ANKDD1A: variants seen among roughly 807,000 people sequenced by gnomAD.
The protein encoded by ANKDD1A is ankyrin repeat and death domain-containing protein 1A.
Under a neutral mutation model 63.5 loss-of-function variants are expected in ANKDD1A, and 59 were observed. The observed-to-expected ratio is 0.93, with a 90% CI of 0.75 to 1.15. The LOEUF (loss-of-function observed/expected upper bound fraction) is 1.15. Among genes scored for constraint, ANKDD1A ranks in the 50% most tolerant of loss-of-function variants. ANKDD1A has a pLI of 0.00. For missense variants in ANKDD1A, 632 were observed against 656.4 expected, an observed-to-expected ratio of 0.96 and a Z score of 0.41; for synonymous variants, 266 against 263.9, an observed-to-expected ratio of 1.01 and a Z score of -0.08.
intron 3 of ANKDD1A, among the ~76,000 whole-genome samples, chr15:64,918,818 G>C (rs571987534): frequency 6.6e-6 from 1 of 152,058 alleles, no homozygotes; most frequent in Non-Finnish European, 1.5e-5. Flanking sequence ...GCTGGGTGTG[G>C]TGGCACACAC....
intron 14 of ANKDD1A, among the ~76,000 whole-genome samples, chr15:64,952,052 C>G (rs964395257): frequency 7.8e-6 from 1 of 128,574 alleles, no homozygotes; most frequent in African/African-American, 2.8e-5. Flanking sequence ...CTTCTTTCTT[C>G]TTCTTAGTTC....
At chr15:64,952,888 TCTTCCTTCTCCTTCCTTC>T (rs2140389476) in intron 14 of ANKDD1A, among the ~76,000 whole-genome samples, 6 of 147,670 alleles carry the variant, frequency 4.1e-5, no homozygotes, top group Admixed American at 6.7e-5. Flanking sequence ...TTCTTCTCCT[TCTTCCTTCTCCTTCCTTC>T]TCTTCTTCTC....
At chr15:64,935,265 G>T (rs538812486) in intron 9 of ANKDD1A, among the ~76,000 whole-genome samples, 1 of 149,694 alleles carries the variant, frequency 6.7e-6, no homozygotes, top group East Asian at 2.0e-4. Context: ...GCATGGTGGC[G>T]TGAGCCTGTA....
chr15:64,954,136 CT>C (rs1198507771), intron 14 of ANKDD1A, among the ~76,000 whole-genome samples: 18 of 138,122 alleles, frequency 1.3e-4, no homozygotes, highest in African/African-American at 4.7e-4. Context: ...TCTTCTTCCT[CT>C]TTCTTCTTGT....
intron 11 of ANKDD1A, among the ~76,000 whole-genome samples, chr15:64,944,294 A>T (rs548840471): frequency 6.6e-6 from 1 of 152,276 alleles, no homozygotes; most frequent in South Asian, 2.1e-4. Flanking sequence ...GTGACATGAT[A>T]AACCCAAGCC....
At chr15:64,951,500 T>TTCC (rs1411141223) in intron 14 of ANKDD1A, 1 of 146,520 alleles carries the variant, frequency 6.8e-6, no homozygotes, top group Non-Finnish European at 1.5e-5. Flanking sequence ...TTTCTTCTTC[T>TTCC]TCCTCTTCCT....
chr15:64,923,000 G>T (rs775756230), intron 4 of ANKDD1A, among the ~76,000 whole-genome samples: 1 of 152,180 alleles, frequency 6.6e-6, no homozygotes, highest in Non-Finnish European at 1.5e-5. Flanking sequence ...TAACGGGTCA[G>T]TAAGGAAACA....
At chr15:64,936,046 A>G (rs1421955125) in intron 9 of ANKDD1A, among the ~76,000 whole-genome samples, 1 of 152,218 alleles carries the variant, frequency 6.6e-6, no homozygotes, top group Non-Finnish European at 1.5e-5. Flanking sequence ...TTCCTTACCT[A>G]TAAGTACTAT....
rs370485314 is a variant in ANKDD1A, at chr15:64,936,618, C to A, written c.867+2384C>A. 2.0e-5 allele frequency among the ~76,000 whole-genome samples: 3 copies of A among 152,022 alleles called. No individual in the cohort carries two copies. In the East Asian group the frequency reaches 5.8e-4, roughly 29 times the overall value. ...CTTTGGAAGGCTGAGGTGGGAGGAT[C>A]GCTTGAGTCCAGGAGTTCGAGACCA... On this transcript the variant is annotated intron_variant, in intron 9 of 14. Coordinates refer to ENST00000319580, the MANE Select transcript of ANKDD1A (RefSeq NM_182703.6).
intron 14 of ANKDD1A, among the ~76,000 whole-genome samples, chr15:64,952,649 C>CATTCTTCT: frequency 1.8e-4 from 1 of 5,558 alleles, no homozygotes; most frequent in Non-Finnish European, 9.4e-4. Context: ...TCTTCTCCTT[C>CATTCTTCT]TCCTTCTTCT....
chr15:64,947,477 G>C lies in ANKDD1A; in HGVS notation c.1235G>C (p.Arg412Pro). 2 of 1,614,130 alleles carry C rather than the reference G, an allele frequency of 1.2e-6. No individual in the cohort carries two copies. Among genetic ancestry groups the C allele is most frequent in the Non-Finnish European group, 8.5e-7 (1 of 1,180,000 alleles). The change falls in exon 13 of 15, where the codon CGT (arginine) becomes CCT (proline). Residue 412 changes from arginine to proline, a missense_variant. Transcript: ENST00000319580. Reference sequence around the variant, plus strand: ...CATCGGCAGGAAACACAGCAGCTCCGTTCTGTGCTGTGGCGGCTGGCCTCC... The same window carrying C: ...CATCGGCAGGAAACACAGCAGCTCCCTTCTGTGCTGTGGCGGCTGGCCTCC... ...QDHRQETQQL[R>P]SVLWRLASRY...
At chr15:64,953,879 CTTTCTTCTTCCTCTT>C (rs2085364408) in intron 14 of ANKDD1A, among the ~76,000 whole-genome samples, 1 of 131,518 alleles carries the variant, frequency 7.6e-6, no homozygotes, top group Admixed American at 8.1e-5. Context: ...CTTCTTCATT[CTTTCTTCTTCCTCTT>C]TTCTTTCTTC....
chr15:64,917,476 G>A lies in ANKDD1A; in HGVS notation c.229G>A (p.Glu77Lys). Residue 77 changes from glutamate (E) to lysine (K), a missense_variant, in exon 3 of 15, where the codon GAG becomes AAG. Glu to Lys is a moderately conservative substitution (Grantham distance 56). Transcript: ENST00000319580. ...LLEHEAAVDEEDAVGALTEAR... is the reference protein window; with the variant it reads ...LLEHEAAVDEKDAVGALTEAR... ...GGAGCACGAGGCTGCTGTGGACGAG[G>A]AGGATGCGGTAGGGGCCCTCACAGA... is the stretch of plus-strand genomic sequence containing the variant. 6.3e-7 allele frequency: 1 copy of A among 1,599,104 alleles called. No homozygotes were observed. Among genetic ancestry groups the A allele is most frequent in the Non-Finnish European group, 8.5e-7 (1 of 1,173,264 alleles).
intron 13 of ANKDD1A, 70 bp from the exon 14 acceptor site, chr15:64,949,771 G>A (rs2085254679): frequency 6.3e-7 from 1 of 1,575,412 alleles, no homozygotes; most frequent in Admixed American, 1.7e-5. Context: ...GGGTGGCATA[G>A]ACAGGCGCTC....
chr15:64,943,413 C>G (rs74019380), intron 10 of ANKDD1A, 71 bp from the exon 11 acceptor site: 1,252,806 of 1,253,672 alleles, frequency 1, 625,971 homozygotes, highest in Middle Eastern at 1. Flanking sequence ...GATCATTGTG[C>G]GGGCTGACTT....
chr15:64,950,547 G>A (rs1317437215), intron 14 of ANKDD1A: 33 of 985,228 alleles, frequency 3.3e-5, no homozygotes, highest in Non-Finnish European at 3.9e-5. Context: ...AGCCTTAAAC[G>A]CTGTGATACC....
chr15:64,917,094 A>G (rs2084973113), intron 2 of ANKDD1A, among the ~76,000 whole-genome samples: 2 of 152,190 alleles, frequency 1.3e-5, no homozygotes, highest in Admixed American at 1.3e-4. Flanking sequence ...GTGCCAGACC[A>G]TGCAGCGCCT....
intron 8 of ANKDD1A, 86 bp from the exon 9 acceptor site, chr15:64,934,050 A>C: frequency 8.7e-7 from 1 of 1,154,324 alleles, no homozygotes; most frequent in Middle Eastern, 2.0e-4. Context: ...TGTGACACTC[A>C]AATGGAAAAA....
intron 3 of ANKDD1A, chr15:64,919,976 A>G (rs915187397): frequency 2.6e-5 from 4 of 152,232 alleles, no homozygotes; most frequent in African/African-American, 4.8e-5. Flanking sequence ...CCTGCTGATC[A>G]GTGAGTTCCC....
Sources: gnomAD v4.1 joint callset for allele counts (sites outside exome capture counted in the v4.1 genomes callset) on GRCh38, gnomAD v4.1.1 for gene constraint, MANE v1.5 for transcripts, NCBI Gene and HGNC (gene_info 2026-07-23, HGNC 2026-07-21) for gene names.